Variants in NAA11 observed in about 807,000 individuals in gnomAD.
NAA11 encodes the protein N-alpha-acetyltransferase 11.
Under a neutral mutation model 16.1 loss-of-function variants are expected in NAA11, and 15 were observed. The observed-to-expected ratio is 0.93, with a 90% CI of 0.62 to 1.44. NAA11 has a LOEUF of 1.44. NAA11 is among the 40% of genes most tolerant of loss of function. NAA11 has a pLI of 0.00. For missense variants in NAA11, 298 were observed against 291.3 expected, an observed-to-expected ratio of 1.02 and a Z score of -0.17; for synonymous variants, 122 against 112.4, an observed-to-expected ratio of 1.09 and a Z score of -0.54.
At chr4:79,222,653 TTAAAC>T (rs1721217148), downstream of NAA11, among the ~76,000 whole-genome samples, 2 of 143,054 alleles carry the variant, frequency 1.4e-5, no homozygotes, top group Non-Finnish European at 3.1e-5. Flanking sequence ...TGGGATCTAA[TTAAAC>T]TAAAGAGCTT....
At chr4:79,226,457 C>A (rs1578150176) in intron 2 of NAA11, among the ~76,000 whole-genome samples, 1 of 151,790 alleles carries the variant, frequency 6.6e-6, no homozygotes, top group African/African-American at 2.4e-5. Context: ...ACTTTAAGTT[C>A]TAGGGTACAT....
intron 2 of NAA11, among the ~76,000 whole-genome samples, chr4:79,267,194 T>A (rs921767084): frequency 6.6e-6 from 1 of 152,174 alleles, no homozygotes; most frequent in Non-Finnish European, 1.5e-5. Context: ...AAAAATTTAA[T>A]AATGGTCTTC....
chr4:79,188,039 A>G, the NAA11 span, among the ~76,000 whole-genome samples: 4 of 149,906 alleles, frequency 2.7e-5, no homozygotes, highest in Non-Finnish European at 5.9e-5. Flanking sequence ...ACTTGTGAGG[A>G]TATGCATTAA....
At chr4:79,172,491 T>C in the NAA11 span, among the ~76,000 whole-genome samples, 6 of 152,308 alleles carry the variant, frequency 3.9e-5, no homozygotes, top group East Asian at 1.2e-3. Flanking sequence ...ATTTATTTTC[T>C]GGATTTTTTT....
the NAA11 span, among the ~76,000 whole-genome samples, chr4:79,163,470 G>C: frequency 2.0e-5 from 3 of 152,086 alleles, no homozygotes; most frequent in Non-Finnish European, 4.4e-5. Context: ...TGGTGAAGAA[G>C]AGGCAGAATT....
chr4:79,277,324 T>C (rs998336826), intron 2 of NAA11, among the ~76,000 whole-genome samples: 2 of 152,090 alleles, frequency 1.3e-5, no homozygotes, highest in African/African-American at 4.8e-5. Flanking sequence ...TATCCGTAAG[T>C]TGGTGCAGAG....
chr4:79,167,254 C>CATAT, the NAA11 span, among the ~76,000 whole-genome samples: 3,274 of 112,788 alleles, frequency 0.029, 88 homozygotes, highest in African/African-American at 0.032. Context: ...CACACACCCA[C>CATAT]ATATATATAT....
rs756200660 is a variant in NAA11, at chr4:79,280,908, TGGG to T, written c.*122+13094_*122+13096del. Among the ~76,000 whole-genome samples, 4 of 152,172 alleles carry T rather than the reference TGGG, an allele frequency of 2.6e-5. No individual in the cohort carries two copies. The East Asian group carries it at 7.7e-4, about 29-fold the overall frequency. On this transcript the variant is annotated intron_variant and NMD_transcript_variant, in intron 2 of 2. Transcript: ENST00000511542. ...GAAAGACAGATTGAAGCCTCAATTT[TGGG>T]GGCATTGGGAAGTCTTGGAAGTTTC...
intron 2 of NAA11, among the ~76,000 whole-genome samples, chr4:79,240,567 G>A (rs1221311384): frequency 6.6e-6 from 1 of 152,134 alleles, no homozygotes; most frequent in African/African-American, 2.4e-5. Context: ...GTTGTTTATG[G>A]ATGCTGGTCA....
intron 2 of NAA11, among the ~76,000 whole-genome samples, chr4:79,257,376 A>G (rs1722140884): frequency 1.3e-5 from 2 of 152,208 alleles, no homozygotes; most frequent in Admixed American, 6.5e-5. Flanking sequence ...GGTATGCAGT[A>G]TGAAGTTTTA....
At chr4:79,310,625 GCAGGACACCCCACAGAGTCC>G (rs1260486722) in intron 1 of NAA11, among the ~76,000 whole-genome samples, 1 of 152,178 alleles carries the variant, frequency 6.6e-6, no homozygotes, top group Non-Finnish European at 1.5e-5. Context: ...GCTCAAGATG[GCAGGACACCCCACAGAGTCC>G]CAGTTTAGAT....
chr4:79,325,841 T>A lies in NAA11; in HGVS notation c.37A>T (p.Asn13Tyr), dbSNP rs780025970. ...IRNAQPDDLM[N>Y]MQHCNLLCLP... ...CAAAGGAGGTTGCAGTGTTGCATAT[T>A]CATCAGGTCGTCTGGCTGAGCGTTG... Residue 13 changes from asparagine to tyrosine, a missense_variant, in exon 1 of 2, where the codon AAT (asparagine) becomes TAT (tyrosine). Physicochemically the swap from Asn to Tyr is moderately radical, Grantham distance 143. Coordinates refer to ENST00000286794, the MANE Select transcript of NAA11 (RefSeq NM_032693.3). 11 of 1,613,664 alleles carry A rather than the reference T, an allele frequency of 6.8e-6. No homozygotes were observed. The highest frequency in any genetic ancestry group is 9.3e-6 in the Non-Finnish European group (11 of 1,179,674).
chr4:79,289,947 G>A (rs983557571), intron 2 of NAA11, among the ~76,000 whole-genome samples: 5 of 152,148 alleles, frequency 3.3e-5, no homozygotes, highest in African/African-American at 2.4e-5. Flanking sequence ...GTTCTCAGCC[G>A]TTCTCAGTGC....
At chr4:79,250,739 C>G (rs1255759614) in intron 2 of NAA11, among the ~76,000 whole-genome samples, 1 of 152,010 alleles carries the variant, frequency 6.6e-6, no homozygotes, top group Non-Finnish European at 1.5e-5. Context: ...TGACAAAGGT[C>G]TAATATTCAG....
intron 2 of NAA11, among the ~76,000 whole-genome samples, chr4:79,277,736 A>C (rs1560443524): frequency 1.3e-5 from 2 of 151,910 alleles, no homozygotes; most frequent in Non-Finnish European, 2.9e-5. Flanking sequence ...CATTCTCTTT[A>C]AATTAGCCAA....
the NAA11 span, among the ~76,000 whole-genome samples, chr4:79,164,261 T>C: frequency 6.6e-6 from 1 of 152,066 alleles, no homozygotes; most frequent in African/African-American, 2.4e-5. Context: ...GGGGGAGAAA[T>C]AGGTCAGGGA....
At chr4:79,216,926 C>T in the NAA11 span, among the ~76,000 whole-genome samples, 6 of 152,196 alleles carry the variant, frequency 3.9e-5, no homozygotes, top group South Asian at 6.2e-4. Context: ...CAAACATATG[C>T]ATATCTGAAA....
At chr4:79,157,864 AAAG>A in the NAA11 span, among the ~76,000 whole-genome samples, 2 of 151,988 alleles carry the variant, frequency 1.3e-5, no homozygotes, top group South Asian at 2.1e-4. Flanking sequence ...CCAAATCGGT[AAAG>A]AAGAAGTCAA....
At chr4:79,211,174 A>C in the NAA11 span, among the ~76,000 whole-genome samples, 1 of 152,190 alleles carries the variant, frequency 6.6e-6, no homozygotes, top group Non-Finnish European at 1.5e-5. Flanking sequence ...TGTGTAAAAC[A>C]TGAGACTGAG....
Sources: allele counts gnomAD v4.1 joint callset (sites outside exome capture counted in the v4.1 genomes callset), GRCh38; gene constraint gnomAD v4.1.1; transcripts MANE v1.5; gene names NCBI Gene and HGNC (gene_info 2026-07-23, HGNC 2026-07-21).